The following NTNG1 variants were observed in gnomAD, a reference collection of about 807,000 sequenced individuals.
NTNG1 encodes the protein netrin G1, also known as netrin-G1.
A neutral mutation model predicts 54.0 loss-of-function variants in NTNG1; 16 were observed. The ratio of observed to expected loss-of-function variants is 0.30; its 90% CI spans 0.20 to 0.45. The LOEUF is 0.45. NTNG1 is among the 20% of genes least tolerant of loss of function. The pLI is 1.00. For missense variants in NTNG1, 530 were observed against 678.7 expected (o/e 0.78, Z 2.43); for synonymous variants, 255 against 263.1 (o/e 0.97, Z 0.30).
chr1:107,352,968 A>C (rs539429465), intron 3 of NTNG1, among the ~76,000 whole-genome samples: 2 of 152,350 alleles, frequency 1.3e-5, no homozygotes, highest in Admixed American at 6.5e-5. Flanking sequence ...GTGGTGGGGC[A>C]CTGGGCCTGG....
chr1:107,254,255 A>G (rs907357407), intron 2 of NTNG1, among the ~76,000 whole-genome samples: 1 of 152,238 alleles, frequency 6.6e-6, no homozygotes, highest in African/African-American at 2.4e-5. Flanking sequence ...TGATGATAAA[A>G]TTGAGTTAAT....
At chr1:107,385,928 C>A (rs1183768957) in intron 3 of NTNG1, among the ~76,000 whole-genome samples, 1 of 150,342 alleles carries the variant, frequency 6.7e-6, no homozygotes, top group Admixed American at 6.6e-5. Context: ...ACATTTTTAT[C>A]ACTCAAAAAG....
At chr1:107,175,932 G>A (rs1656612947) in intron 2 of NTNG1, among the ~76,000 whole-genome samples, 2 of 152,122 alleles carry the variant, frequency 1.3e-5, no homozygotes, top group Non-Finnish European at 2.9e-5. Context: ...GTGTTGACAA[G>A]TACAGATTCT....
intron 4 of NTNG1, among the ~76,000 whole-genome samples, chr1:107,403,884 T>C (rs1055116890): frequency 1.3e-5 from 2 of 152,048 alleles, no homozygotes; most frequent in Non-Finnish European, 2.9e-5. Context: ...AAGAAGATGA[T>C]GTCTTAAATC....
intron 3 of NTNG1, among the ~76,000 whole-genome samples, chr1:107,350,207 T>A (rs1669519345): frequency 6.6e-6 from 1 of 152,098 alleles, no homozygotes; most frequent in South Asian, 2.1e-4. Flanking sequence ...TATCTTTCCC[T>A]GTATTTTGCC....
chr1:107,312,123 A>C (rs961485945), intron 2 of NTNG1, among the ~76,000 whole-genome samples: 6 of 152,226 alleles, frequency 3.9e-5, no homozygotes, highest in African/African-American at 1.4e-4. Flanking sequence ...ATATGGCGGG[A>C]GATAATTTTG....
intron 7 of NTNG1, among the ~76,000 whole-genome samples, chr1:107,456,859 T>A (rs1020067795): frequency 1.8e-4 from 28 of 152,240 alleles, no homozygotes; most frequent in African/African-American, 6.8e-4. Context: ...TCATAAAATC[T>A]TTCTCCATAA....
chr1:107,225,372 CA>C (rs80175910), intron 2 of NTNG1, among the ~76,000 whole-genome samples: 5,249 of 144,280 alleles, frequency 0.036, 245 homozygotes, highest in African/African-American at 0.12. Flanking sequence ...AGTGTGAATT[CA>C]AAAAAAAAAA....
At chr1:107,223,840 AGAACCAATCTG>A (rs1660510252) in intron 2 of NTNG1, among the ~76,000 whole-genome samples, 1 of 152,158 alleles carries the variant, frequency 6.6e-6, no homozygotes, top group African/African-American at 2.4e-5. Flanking sequence ...AAATCCTGGA[AGAACCAATCTG>A]GAATTGTGTC....
chr1:107,439,013 G>A (rs1398345490), intron 7 of NTNG1, among the ~76,000 whole-genome samples: 4 of 152,114 alleles, frequency 2.6e-5, no homozygotes, highest in Non-Finnish European at 5.9e-5. Flanking sequence ...TAATGGTAGG[G>A]CACAGAAGGA....
At chr1:107,389,961 A>G (rs1243927589) in intron 3 of NTNG1, among the ~76,000 whole-genome samples, 1 of 152,190 alleles carries the variant, frequency 6.6e-6, no homozygotes, top group African/African-American at 2.4e-5. Flanking sequence ...CCCTCTACAC[A>G]TCGTGAGGCC....
chr1:107,150,092 C>T (rs1654444290), intron 2 of NTNG1, among the ~76,000 whole-genome samples: 1 of 152,130 alleles, frequency 6.6e-6, no homozygotes, highest in African/African-American at 2.4e-5. Context: ...CCTTTGGGGA[C>T]TGGTTTGAAT....
chr1:107,241,793 C>CA (rs1054547566), intron 2 of NTNG1, among the ~76,000 whole-genome samples: 2 of 151,694 alleles, frequency 1.3e-5, no homozygotes, highest in Non-Finnish European at 1.5e-5. Flanking sequence ...TATTTTAGGG[C>CA]AAAAAAAGTC....
At chr1:107,480,569 T>TGCCCCCCCCC in intron 7 of NTNG1, 42 bp from the exon 8 acceptor site, 11 of 609,584 alleles carry the variant, frequency 1.8e-5, no homozygotes, top group East Asian at 5.6e-5. Context: ...CTGCTTCTCC[T>TGCCCCCCCCC]CCCCGCGCCC....
chr1:107,300,546 A>G (rs181087149), intron 2 of NTNG1, among the ~76,000 whole-genome samples: 7 of 152,316 alleles, frequency 4.6e-5, no homozygotes, highest in African/African-American at 1.7e-4. Context: ...TAATTAAGAC[A>G]GCTATTTACT....
rs183112802 is a variant in NTNG1, at chr1:107,313,120, G to A, written c.247-11162G>A. ...GTAGCAAAATGATCTACTTTGGGGG[G>A]CATTAGTTGTCAGATCCCTTTAGTC... is the stretch of plus-strand genomic sequence containing the variant. On this transcript the variant is annotated intron_variant, in intron 2 of 7. Coordinates refer to ENST00000370068, the MANE Select transcript of NTNG1 (RefSeq NM_001113226.3). 3.3e-5 allele frequency among the ~76,000 whole-genome samples: 5 copies of A among 152,212 alleles called. No individual in the cohort carries two copies. The East Asian group carries it at 5.8e-4, about 18-fold the overall frequency.
intron 4 of NTNG1, among the ~76,000 whole-genome samples, chr1:107,400,563 G>T (rs1039693278): frequency 1.3e-5 from 2 of 152,012 alleles, no homozygotes; most frequent in Non-Finnish European, 2.9e-5. Context: ...TTAAACTTAG[G>T]TCTGTCTCAT....
At chr1:107,430,208 T>G (rs1002262644) in intron 5 of NTNG1, among the ~76,000 whole-genome samples, 2 of 152,136 alleles carry the variant, frequency 1.3e-5, no homozygotes, top group African/African-American at 4.8e-5. Context: ...AAAGAATTGT[T>G]TAGTTGTCTA....
At chr1:107,317,811 G>A (rs979630796) in intron 2 of NTNG1, among the ~76,000 whole-genome samples, 1 of 152,168 alleles carries the variant, frequency 6.6e-6, no homozygotes, top group African/African-American at 2.4e-5. Flanking sequence ...CTTCAATCAG[G>A]CCCTAAGCTG....
Sources: gnomAD v4.1 joint callset for allele counts (sites outside exome capture counted in the v4.1 genomes callset) on GRCh38, gnomAD v4.1.1 for gene constraint, MANE v1.5 for transcripts, NCBI Gene and HGNC (gene_info 2026-07-23, HGNC 2026-07-21) for gene names.